The following GRIA1 variants were observed in gnomAD, a reference collection of about 807,000 sequenced individuals.
The protein encoded by GRIA1 is glutamate receptor 1.
In GRIA1, 31 loss-of-function variants were observed where a neutral mutation model predicts 99.2. The observed-to-expected ratio is 0.31, with a 90% CI of 0.23 to 0.42. GRIA1 has a LOEUF of 0.42. Ranked by LOEUF, GRIA1 falls within the 10% of genes least tolerant of loss-of-function variation. The pLI is 1.00. For missense variants in GRIA1, 782 were observed against 1,157.5 expected, an observed-to-expected ratio of 0.68 and a Z score of 4.71; for synonymous variants, 438 against 432.4, an observed-to-expected ratio of 1.01 and a Z score of -0.16.
chr5:153,658,524 T>A (rs916878844), intron 5 of GRIA1, among the ~76,000 whole-genome samples: 1 of 152,212 alleles, frequency 6.6e-6, no homozygotes, highest in Non-Finnish European at 1.5e-5. Context: ...TTTCGATAGA[T>A]TAGTTGATAA....
chr5:153,678,039 A>G (rs1295706261), intron 7 of GRIA1, among the ~76,000 whole-genome samples: 3 of 152,226 alleles, frequency 2.0e-5, no homozygotes, highest in African/African-American at 7.2e-5. Context: ...ATAACAAAGC[A>G]TTGGCCACAA....
intron 2 of GRIA1, among the ~76,000 whole-genome samples, chr5:153,553,534 C>T (rs997057409): frequency 2.6e-5 from 4 of 152,116 alleles, no homozygotes; most frequent in African/African-American, 9.7e-5. Flanking sequence ...ATTACTTCTC[C>T]ACTGATTCTT....
At chr5:153,780,701 T>G (rs1224725070) in intron 13 of GRIA1, among the ~76,000 whole-genome samples, 2 of 152,206 alleles carry the variant, frequency 1.3e-5, no homozygotes, top group Non-Finnish European at 2.9e-5. Context: ...ATACAATGAA[T>G]CCCTTATGAA....
At chr5:153,715,790 T>A (rs1272280889) in intron 11 of GRIA1, among the ~76,000 whole-genome samples, 1 of 152,138 alleles carries the variant, frequency 6.6e-6, no homozygotes, top group African/African-American at 2.4e-5. Context: ...AAACCTGACA[T>A]GAGGGGTTGT....
At chr5:153,695,852 T>A (rs1450347166) in intron 8 of GRIA1, among the ~76,000 whole-genome samples, 1 of 152,216 alleles carries the variant, frequency 6.6e-6, no homozygotes, top group Non-Finnish European at 1.5e-5. Context: ...GGGTGCACCA[T>A]GTCCATGCTG....
At chr5:153,535,225 C>T (rs1350485084) in intron 2 of GRIA1, among the ~76,000 whole-genome samples, 1 of 152,154 alleles carries the variant, frequency 6.6e-6, no homozygotes, top group Non-Finnish European at 1.5e-5. Context: ...CCCAGCCCAA[C>T]ACAGGCCATT....
At chr5:153,764,345 G>A (rs1379258712) in intron 11 of GRIA1, 89 bp from the exon 12 acceptor site, 2 of 964,678 alleles carry the variant, frequency 2.1e-6, no homozygotes, top group Non-Finnish European at 3.4e-6. Flanking sequence ...CCGCTCTGCT[G>A]CCAAGCCCCG....
chr5:153,499,613 CAAAAAAAAAAAAAA>C (rs70976100), intron 2 of GRIA1, among the ~76,000 whole-genome samples: 1 of 42,126 alleles, frequency 2.4e-5, no homozygotes, highest in Non-Finnish European at 4.1e-5. Context: ...GAATTTGTCT[CAAAAAAAAAAAAAA>C]AAAAAAAAAA....
intron 13 of GRIA1, among the ~76,000 whole-genome samples, chr5:153,773,039 G>C (rs756259180): frequency 1.3e-5 from 2 of 152,114 alleles, no homozygotes; most frequent in Non-Finnish European, 2.9e-5. Flanking sequence ...AAATACTGGA[G>C]TGACATGAAC....
At chr5:153,580,794 G>T (rs1358894004) in intron 2 of GRIA1, among the ~76,000 whole-genome samples, 1 of 152,162 alleles carries the variant, frequency 6.6e-6, no homozygotes, top group Non-Finnish European at 1.5e-5. Context: ...CATGGAGTGG[G>T]TGAGAGCCAC....
At chr5:153,689,801 C>A (rs11743342) in intron 8 of GRIA1, among the ~76,000 whole-genome samples, 2 of 152,126 alleles carry the variant, frequency 1.3e-5, no homozygotes, top group East Asian at 1.9e-4. Flanking sequence ...GGCTGGACTT[C>A]GGCTTCCTCT....
intron 2 of GRIA1, among the ~76,000 whole-genome samples, chr5:153,621,780 A>G (rs1458537596): frequency 1.3e-5 from 2 of 152,230 alleles, no homozygotes; most frequent in Non-Finnish European, 2.9e-5. Context: ...ATGAGATATT[A>G]AAGTATCAAG....
At chr5:153,510,603 A>T (rs1317737325) in intron 2 of GRIA1, among the ~76,000 whole-genome samples, 1 of 152,180 alleles carries the variant, frequency 6.6e-6, no homozygotes, top group Non-Finnish European at 1.5e-5. Flanking sequence ...TGCAAGATAC[A>T]TTTGGAAAAA....
chr5:153,788,657 C>T (rs1765119823), intron 13 of GRIA1, among the ~76,000 whole-genome samples: 1 of 152,204 alleles, frequency 6.6e-6, no homozygotes, highest in Admixed American at 6.5e-5. Flanking sequence ...TAACACTTCA[C>T]ATATTCTCTT....
At position 153,603,875 on chromosome 5, in the gene GRIA1, A is replaced by G. The variant is rs530887232; in HGVS notation, c.221-43053A>G. ...TTCCCCATACCACAGGGATGTTGTG[A>G]TGATTAAATGATAAGCAGAGATTTT... On this transcript the variant is annotated intron_variant, in intron 2 of 15. Transcript: ENST00000285900. Among the ~76,000 whole-genome samples, 30 of 152,326 alleles carry G rather than the reference A, an allele frequency of 2.0e-4. 2 individuals are homozygous for G. The South Asian group carries it at 5.8e-3, about 29-fold the overall frequency.
At chr5:153,539,485 A>C (rs1358333508) in intron 2 of GRIA1, among the ~76,000 whole-genome samples, 1 of 152,230 alleles carries the variant, frequency 6.6e-6, no homozygotes, top group East Asian at 1.9e-4. Context: ...TGCCATTCTC[A>C]CATTGGGAAA....
At chr5:153,496,783 A>T (rs1754474659) in intron 2 of GRIA1, among the ~76,000 whole-genome samples, 1 of 152,194 alleles carries the variant, frequency 6.6e-6, no homozygotes, top group African/African-American at 2.4e-5. Flanking sequence ...TCTTATTCAG[A>T]CTAATTTTCT....
rs1192750948 is a variant in GRIA1, at chr5:153,773,433, T to C, written c.2270+3018T>C. ...AGCCAAATAACCACCAACTTGGGAATTAAAACCAGACCTTTGAAGTCCAGA... is the reference window on the plus strand; with the variant it reads ...AGCCAAATAACCACCAACTTGGGAACTAAAACCAGACCTTTGAAGTCCAGA... On this transcript the variant is annotated intron_variant, in intron 13 of 15. Transcript: ENST00000285900. Among the ~76,000 whole-genome samples the C allele has an allele frequency of 3.3e-5, 5 of 152,258 alleles. No homozygotes were observed. The East Asian group carries it at 7.7e-4, about 24-fold the overall frequency.
intron 11 of GRIA1, among the ~76,000 whole-genome samples, chr5:153,714,939 T>C (rs1005452721): frequency 6.6e-6 from 1 of 152,204 alleles, no homozygotes; most frequent in Non-Finnish European, 1.5e-5. Context: ...TTGCATCTAG[T>C]GGCTGAAGGA....
Sources: allele counts gnomAD v4.1 joint callset (sites outside exome capture counted in the v4.1 genomes callset), GRCh38; gene constraint gnomAD v4.1.1; transcripts MANE v1.5; gene names NCBI Gene and HGNC (gene_info 2026-07-23, HGNC 2026-07-21).